Variants in ATAD2B observed in about 807,000 individuals in gnomAD.
ATAD2B encodes ATPase family AAA domain-containing protein 2B.
In ATAD2B, 40 loss-of-function variants were observed where a neutral mutation model predicts 167.6. That is an observed-to-expected ratio of 0.24 (90% CI 0.19 to 0.31). The LOEUF (loss-of-function observed/expected upper bound fraction) is 0.31, where lower values mean the gene tolerates loss of function less well. ATAD2B is among the 10% of genes least tolerant of loss of function. The pLI is 1.00. For missense variants in ATAD2B, 1,242 were observed against 1,757.2 expected, an observed-to-expected ratio of 0.71 and a Z score of 5.24; for synonymous variants, 579 against 596.5, an observed-to-expected ratio of 0.97 and a Z score of 0.43.
chr2:23,886,974 C>T (rs1397442229), intron 4 of ATAD2B, among the ~76,000 whole-genome samples: 1 of 147,522 alleles, frequency 6.8e-6, no homozygotes, highest in Non-Finnish European at 1.5e-5. Context: ...AACGTCTTAG[C>T]AATTTTTTTT....
intron 25 of ATAD2B, among the ~76,000 whole-genome samples, chr2:23,757,067 T>C (rs1676036921): frequency 6.6e-6 from 1 of 152,162 alleles, no homozygotes; most frequent in East Asian, 1.9e-4. Context: ...CCAATAATTC[T>C]TCTTGGAATT....
At chr2:23,781,844 G>A (rs1023731965) in intron 22 of ATAD2B, among the ~76,000 whole-genome samples, 3 of 146,308 alleles carry the variant, frequency 2.1e-5, no homozygotes, top group Non-Finnish European at 4.5e-5. Context: ...AAAGGCTATC[G>A]CTATGTTGCC....
chr2:23,891,714 C>T (rs979497513), intron 2 of ATAD2B, among the ~76,000 whole-genome samples: 2 of 152,116 alleles, frequency 1.3e-5, no homozygotes, highest in African/African-American at 4.8e-5. Flanking sequence ...GTCTCCAACT[C>T]CTGACCTCAG....
In ATAD2B at chr2:23,779,868, C is replaced by T. The variant is rs115766106; in HGVS notation, c.3133+3001G>A. Among the ~76,000 whole-genome samples, 483 of 152,136 alleles carry T rather than the reference C, an allele frequency of 3.2e-3. 2 individuals carry two copies. The highest frequency in any genetic ancestry group is 0.011 in the African/African-American group (462 of 41,490). Reference sequence around the variant, plus strand: ...CATACAGTATATCCGTGGATGGGGACGGAAACAGAGAAAAAACACTAAGTG... The same window carrying T: ...CATACAGTATATCCGTGGATGGGGATGGAAACAGAGAAAAAACACTAAGTG... On this transcript the variant is annotated intron_variant, in intron 22 of 27. Coordinates refer to ENST00000238789, the MANE Select transcript of ATAD2B (RefSeq NM_017552.4).
At chr2:23,682,885 G>A in the ATAD2B span, among the ~76,000 whole-genome samples, 3 of 11,376 alleles carry the variant, frequency 2.6e-4, no homozygotes, top group African/African-American at 1.3e-3. This position sits in a 1 kb window ranked among gnomAD's most constrained non-coding sequence, Gnocchi z 4.1. Flanking sequence ...CGGGGTCAGT[G>A]ATTCGGCCTT....
chr2:23,684,957 G>A, the ATAD2B span, among the ~76,000 whole-genome samples: 3 of 152,316 alleles, frequency 2.0e-5, no homozygotes, highest in South Asian at 4.1e-4. This position sits in a 1 kb window ranked among gnomAD's most constrained non-coding sequence, Gnocchi z 4.4. Context: ...CCCTGCTGTC[G>A]GTGGTGACTA....
the ATAD2B span, among the ~76,000 whole-genome samples, chr2:23,714,778 C>T: frequency 6.6e-6 from 1 of 151,600 alleles, no homozygotes. Context: ...TCACTTGAAC[C>T]CAGGAGGCGG....
At chr2:23,703,413 G>A in the ATAD2B span, 1 of 1,431,856 alleles carries the variant, frequency 7.0e-7, no homozygotes, top group South Asian at 1.5e-5. Context: ...CCCAGGGCCA[G>A]GGTCGCATCC....
chr2:23,706,405 C>T, the ATAD2B span: 7 of 1,191,678 alleles, frequency 5.9e-6, no homozygotes, highest in South Asian at 1.9e-5. Flanking sequence ...TACAACAGGA[C>T]ACGACGTTGA....
chr2:23,798,518 T>G (rs1189745522), intron 18 of ATAD2B, among the ~76,000 whole-genome samples, 195 bp from the exon 19 acceptor site: 2 of 150,814 alleles, frequency 1.3e-5, no homozygotes, highest in African/African-American at 4.9e-5. Flanking sequence ...AAAAAAAAAG[T>G]ATGTTTTGCC....
chr2:23,873,251 T>C (rs1032101335), intron 8 of ATAD2B, among the ~76,000 whole-genome samples: 2 of 152,152 alleles, frequency 1.3e-5, no homozygotes, highest in African/African-American at 2.4e-5. Context: ...AAAAGTTGTA[T>C]TGGTCTAAGA....
the ATAD2B span, among the ~76,000 whole-genome samples, chr2:23,702,406 A>T: frequency 1.3e-5 from 2 of 152,238 alleles, no homozygotes; most frequent in Non-Finnish European, 2.9e-5. Flanking sequence ...TGAACACTGT[A>T]TATTACATCA....
At chr2:23,785,220 C>T (rs1680644542) in intron 21 of ATAD2B, among the ~76,000 whole-genome samples, 1 of 151,900 alleles carries the variant, frequency 6.6e-6, no homozygotes, top group Admixed American at 6.6e-5. Context: ...CAACATTAAA[C>T]CCTGAATCAC....
Position 23,808,206 on chromosome 2 carries a change from A to ATAT in ATAD2B, c.2454+2109_2454+2110insATA, listed in dbSNP as rs1553398553. Reference sequence around the variant, plus strand: ...ATATATATATTTATATTTATATAAAAATATATATATATATAAAGTAAATAT... The same window carrying ATAT: ...ATATATATATTTATATTTATATAAAATATATATATATATATATAAAGTAAATAT... On this transcript the variant is annotated intron_variant, in intron 18 of 27. Transcript: ENST00000238789. Among the ~76,000 whole-genome samples the ATAT allele has an allele frequency of 1.7e-3, 222 of 129,956 alleles. 1 individual carries two copies. The highest frequency in any genetic ancestry group is 4.8e-3 in the African/African-American group (163 of 34,190). The allele number at this position is 129,956 out of a possible 152,430, so 85.3% of individuals were successfully genotyped here. A position where few individuals can be genotyped will look rare whatever the true frequency, so the allele number is the denominator to read the frequency against.
chr2:23,715,042 A>T, the ATAD2B span, among the ~76,000 whole-genome samples: 148 of 152,226 alleles, frequency 9.7e-4, no homozygotes, highest in African/African-American at 3.5e-3. Flanking sequence ...TCCAATAAAC[A>T]CACCTACAAT....
intron 1 of ATAD2B, among the ~76,000 whole-genome samples, chr2:23,906,699 A>G (rs1219751917): frequency 1.3e-5 from 2 of 152,030 alleles, no homozygotes; most frequent in Non-Finnish European, 2.9e-5. Context: ...CTTGATGAAC[A>G]TTGATGCAAA....
intron 8 of ATAD2B, among the ~76,000 whole-genome samples, chr2:23,871,425 G>T (rs1349182775): frequency 6.6e-6 from 1 of 152,034 alleles, no homozygotes; most frequent in Non-Finnish European, 1.5e-5. Flanking sequence ...ACTCATCAAG[G>T]CCTACTATAC....
chr2:23,783,542 G>C (rs966760629), intron 21 of ATAD2B, among the ~76,000 whole-genome samples: 1 of 151,928 alleles, frequency 6.6e-6, no homozygotes, highest in African/African-American at 2.4e-5. Flanking sequence ...CAAACATTTA[G>C]AGTCAATTAT....
Position 23,926,815 on chromosome 2 carries a change from G to T in ATAD2B, c.-45C>A. 1 of 1,462,312 alleles carries T rather than the reference G, an allele frequency of 6.8e-7. No individual in the cohort carries two copies. Among genetic ancestry groups the T allele is most frequent in the South Asian group, 1.4e-5 (1 of 70,830 alleles). 90.6% of individuals were successfully genotyped at this position (1,462,312 alleles called of 1,614,324 possible). On this transcript the variant is annotated 5_prime_UTR_variant, in exon 1 of 28. Transcript: ENST00000238789. ...AGTCCACGCCGCGCCCGGGAGAGCC[G>T]AGCAAGGCCGGCCCGCCGGCCGGTC...
Sources: gnomAD v4.1 joint callset for allele counts (sites outside exome capture counted in the v4.1 genomes callset) on GRCh38, gnomAD v4.1.1 for gene constraint, Gnocchi (gnomAD v3.1) non-coding constraint, MANE v1.5 for transcripts, NCBI Gene and HGNC (gene_info 2026-07-23, HGNC 2026-07-21) for gene names.